SUMF1: variants seen among roughly 807,000 people sequenced by gnomAD.
The protein encoded by SUMF1 is sulfatase modifying factor 1.
SUMF1 carries 48 observed loss-of-function variants against 47.6 expected under a neutral mutation model. The ratio of observed to expected loss-of-function variants is 1.01; its 90% CI spans 0.80 to 1.28. The LOEUF (loss-of-function observed/expected upper bound fraction) is 1.28. SUMF1 is among the 50% of genes most tolerant of loss of function. The pLI is 0.00. For synonymous variants in SUMF1, 230 were observed against 192.1 expected, an observed-to-expected ratio of 1.20 and a Z score of -1.63; for missense variants, 571 against 485.4, an observed-to-expected ratio of 1.18 and a Z score of -1.66.
In SUMF1 at chr3:4,034,679, G is replaced by A. The variant is rs538326674; in HGVS notation, c.1191+33890C>T. Among the ~76,000 whole-genome samples the A allele has an allele frequency of 3.2e-4, 48 of 152,132 alleles. 1 individual carries two copies. Among genetic ancestry groups the A allele is most frequent in the Admixed American group, 3.9e-4 (6 of 15,274 alleles). ...AGGCATCAGCAAATATTCCGTGGCA[G>A]GCTCCATGAGAAGTACTGAGATAAA... On this transcript the variant is annotated intron_variant and NMD_transcript_variant, in intron 9 of 12. Coordinates refer to the SUMF1 transcript ENST00000448413.
chr3:4,381,711 C>G (rs150036713), intron 7 of SUMF1, among the ~76,000 whole-genome samples: 233 of 152,244 alleles, frequency 1.5e-3, no homozygotes, highest in African/African-American at 5.4e-3. Flanking sequence ...TAGAGGAATT[C>G]CAGATAATTA....
intron 8 of SUMF1, among the ~76,000 whole-genome samples, chr3:4,315,104 A>C (rs910943286): frequency 1.3e-5 from 2 of 152,196 alleles, no homozygotes; most frequent in Non-Finnish European, 2.9e-5. Flanking sequence ...ACTAGAGTAC[A>C]CATAAAATGC....
intron 8 of SUMF1, among the ~76,000 whole-genome samples, chr3:4,198,951 T>C (rs540300472): frequency 3.5e-4 from 54 of 152,298 alleles, no homozygotes; most frequent in African/African-American, 1.3e-3. Context: ...CTATTATCCC[T>C]CTGAAATGCT....
intron 7 of SUMF1, among the ~76,000 whole-genome samples, chr3:4,406,993 T>C (rs770164106): frequency 6.6e-6 from 1 of 152,112 alleles, no homozygotes; most frequent in Admixed American, 6.6e-5. Flanking sequence ...TGGGTTAAGA[T>C]ACATCACAGC....
At chr3:4,197,134 A>G (rs185257216) in intron 8 of SUMF1, among the ~76,000 whole-genome samples, 1 of 152,274 alleles carries the variant, frequency 6.6e-6, no homozygotes, top group African/African-American at 2.4e-5. Context: ...AGTTTGGCTG[A>G]ACTATCAGGA....
At chr3:4,109,559 C>T (rs934059783) in intron 8 of SUMF1, among the ~76,000 whole-genome samples, 2 of 152,120 alleles carry the variant, frequency 1.3e-5, no homozygotes, top group Non-Finnish European at 2.9e-5. Context: ...TTTTCAGGTA[C>T]ACCAATCAGA....
At chr3:4,449,147 C>G (rs1346583604) in intron 3 of SUMF1, 119 bp downstream of exon 3, 1 of 1,105,214 alleles carries the variant, frequency 9.0e-7, no homozygotes, top group Non-Finnish European at 1.4e-6. Flanking sequence ...CAATCCTCAG[C>G]AGGAGAATGG....
chr3:4,293,513 T>G (rs1697781564), intron 8 of SUMF1, among the ~76,000 whole-genome samples: 1 of 152,188 alleles, frequency 6.6e-6, no homozygotes, highest in Non-Finnish European at 1.5e-5. Flanking sequence ...AATTGGTTAT[T>G]TCCTCGGCAT....
At chr3:4,112,874 G>C (rs186924912) in intron 8 of SUMF1, among the ~76,000 whole-genome samples, 1 of 152,092 alleles carries the variant, frequency 6.6e-6, no homozygotes, top group Non-Finnish European at 1.5e-5. Context: ...AGCCCTCATG[G>C]TGCTAGCTAG....
At chr3:4,297,109 A>T (rs1697868190) in intron 8 of SUMF1, among the ~76,000 whole-genome samples, 1 of 152,148 alleles carries the variant, frequency 6.6e-6, no homozygotes, top group South Asian at 2.1e-4. Context: ...TGACCAAGAG[A>T]ACCTAATTGT....
intron 7 of SUMF1, among the ~76,000 whole-genome samples, chr3:4,396,579 C>T (rs1701045643): frequency 6.6e-6 from 1 of 152,168 alleles, no homozygotes; most frequent in Non-Finnish European, 1.5e-5. Flanking sequence ...GGTCCTTCCC[C>T]ACCAACCATT....
intron 8 of SUMF1, among the ~76,000 whole-genome samples, chr3:4,176,507 C>A (rs1006279892): frequency 6.6e-6 from 1 of 152,126 alleles, no homozygotes; most frequent in African/African-American, 2.4e-5. Flanking sequence ...TTGTCACCAC[C>A]AGGCCTGCCT....
chr3:4,094,561 T>A (rs959949438), intron 8 of SUMF1, among the ~76,000 whole-genome samples: 1 of 152,044 alleles, frequency 6.6e-6, no homozygotes, highest in Non-Finnish European at 1.5e-5. Context: ...AGAGTGACCA[T>A]AAGTCCCAGT....
intron 8 of SUMF1, among the ~76,000 whole-genome samples, chr3:4,193,305 T>G (rs1695359618): frequency 2.0e-5 from 3 of 152,138 alleles, no homozygotes; most frequent in Non-Finnish European, 4.4e-5. Context: ...GTCTCTTCAT[T>G]TAGCTAGTCC....
intron 8 of SUMF1, among the ~76,000 whole-genome samples, chr3:4,078,731 AC>A (rs1417911710): frequency 4.0e-5 from 6 of 148,826 alleles, no homozygotes; most frequent in African/African-American, 1.5e-4. Context: ...ACACAGTGAG[AC>A]CCCCATCTCT....
chr3:4,416,996 G>A (rs776218473), intron 6 of SUMF1, 132 bp downstream of exon 6: 19 of 813,022 alleles, frequency 2.3e-5, no homozygotes, highest in African/African-American at 5.0e-5. Context: ...TATTTGCTAC[G>A]TGCAACAGTG....
rs371470571 is a variant in SUMF1, at chr3:4,151,370, T to C, written c.1015-82625A>G. ...AATATACATACACAATATATATATA[T>C]ACATGTGTGTATATATATGTATATA... On this transcript the variant is annotated intron_variant and NMD_transcript_variant, in intron 8 of 12. Transcript: ENST00000448413. Among the ~76,000 whole-genome samples the C allele has an allele frequency of 4.0e-4, 58 of 146,834 alleles. 1 individual carries two copies. Among genetic ancestry groups the C allele is most frequent in the African/African-American group, 1.3e-3 (50 of 39,338 alleles).
At chr3:4,297,693 G>A (rs1697882243) in intron 8 of SUMF1, among the ~76,000 whole-genome samples, 2 of 150,238 alleles carry the variant, frequency 1.3e-5, no homozygotes, top group Non-Finnish European at 2.9e-5. Context: ...ACAGACATAA[G>A]CCACTGTGCC....
At chr3:4,220,314 C>T (rs1696032941) in intron 8 of SUMF1, among the ~76,000 whole-genome samples, 1 of 152,030 alleles carries the variant, frequency 6.6e-6, no homozygotes, top group Non-Finnish European at 1.5e-5. Flanking sequence ...AAATTGAGTT[C>T]CTTTGCTAAA....
Sources: gnomAD v4.1 joint callset for allele counts (sites outside exome capture counted in the v4.1 genomes callset) on GRCh38, gnomAD v4.1.1 for gene constraint, MANE v1.5 for transcripts, NCBI Gene and HGNC (gene_info 2026-07-23, HGNC 2026-07-21) for gene names.